The following ZSCAN4 variants were observed in gnomAD, a reference collection of about 807,000 sequenced individuals.
The protein encoded by ZSCAN4 is zinc finger and SCAN domain-containing protein 4.
Under a neutral mutation model 18.3 loss-of-function variants are expected in ZSCAN4, and 18 were observed. The observed-to-expected ratio is 0.98, with a 90% CI of 0.68 to 1.46. ZSCAN4 has a LOEUF of 1.46. ZSCAN4 is among the 40% of genes most tolerant of loss of function. The probability of loss-of-function intolerance (pLI) is 0.00; values close to 1 mark genes in which losing one functional copy is unlikely to be tolerated. For synonymous variants in ZSCAN4, 193 were observed against 180.3 expected (o/e 1.07, Z -0.57); for missense variants, 498 against 511.4 (o/e 0.97, Z 0.25).
the ZSCAN4 span, among the ~76,000 whole-genome samples, chr19:57,652,638 C>G: frequency 6.6e-6 from 1 of 152,102 alleles, no homozygotes; most frequent in Non-Finnish European, 1.5e-5. Flanking sequence ...CCTCCATTCT[C>G]CCTTCTTTCT....
At chr19:57,678,503 A>C in exon 5 of ZSCAN4, 1 of 1,614,180 alleles carries the variant, frequency 6.2e-7, no homozygotes, top group Non-Finnish European at 8.5e-7. Flanking sequence ...CATGTGAGGT[A>C]CATCAGAAAG....
upstream of ZSCAN4, among the ~76,000 whole-genome samples, chr19:57,668,623 A>T (rs531999532): frequency 6.6e-6 from 1 of 152,234 alleles, no homozygotes; most frequent in East Asian, 1.9e-4. Flanking sequence ...CTCAGCCTGT[A>T]TGAGGGTGGA....
At chr19:57,659,989 C>T in the ZSCAN4 span, among the ~76,000 whole-genome samples, 6 of 152,146 alleles carry the variant, frequency 3.9e-5, no homozygotes, top group African/African-American at 1.2e-4. Flanking sequence ...TACAGATGGT[C>T]GCTGCAATTA....
At chr19:57,676,770 A>T (rs996135355) in intron 3 of ZSCAN4, among the ~76,000 whole-genome samples, 4 of 152,232 alleles carry the variant, frequency 2.6e-5, no homozygotes, top group African/African-American at 9.6e-5. Flanking sequence ...TAGGAGCCAA[A>T]CATATTGATG....
At chr19:57,677,814 C>A in intron 3 of ZSCAN4, 100 bp from the exon 4 acceptor site, 1 of 1,133,884 alleles carries the variant, frequency 8.8e-7, no homozygotes. Context: ...ATAGCCAATA[C>A]TTGAGGGAGC....
chr19:57,656,098 A>C, the ZSCAN4 span, among the ~76,000 whole-genome samples: 1 of 152,124 alleles, frequency 6.6e-6, no homozygotes, highest in African/African-American at 2.4e-5. Context: ...CTTAGTACCA[A>C]AGGGACCTGC....
chr19:57,662,710 G>GC, the ZSCAN4 span, among the ~76,000 whole-genome samples: 1 of 151,392 alleles, frequency 6.6e-6, no homozygotes, highest in African/African-American at 2.4e-5. Context: ...ACAGGCTTGA[G>GC]CCACCACGCC....
chr19:57,676,243 T>A (rs1320024976), exon 3 of ZSCAN4: 1 of 1,614,138 alleles, frequency 6.2e-7, no homozygotes, highest in Admixed American at 1.7e-5. Context: ...GGACCTGCTG[T>A]TCAGAGAGAA....
At chr19:57,678,409 T>C (rs751778480) in exon 5 of ZSCAN4, 4 of 1,614,058 alleles carry the variant, frequency 2.5e-6, no homozygotes, top group South Asian at 1.1e-5. Context: ...GTCCCTATGG[T>C]GATGGGAGCA....
intron 2 of ZSCAN4, among the ~76,000 whole-genome samples, chr19:57,674,351 ATC>A (rs1375894123): frequency 6.6e-6 from 1 of 152,156 alleles, no homozygotes; most frequent in Non-Finnish European, 1.5e-5. Context: ...AGTCCCCAGC[ATC>A]TGTTATTTCC....
In ZSCAN4 at chr19:57,670,375, G is replaced by GGGTT. The variant is rs1983982088; in HGVS notation, c.-296_-295insTTGG. ...TAAATCAATCACTGACATGGAGCTG[G>GGGTT]GGCTGGATGAAGATTCCATCAGTAA... On this transcript the variant is annotated 5_prime_UTR_variant, in exon 2 of 5. The change creates a premature stop within an existing upstream ORF in the 5' untranslated region. Transcript: ENST00000318203. 1 of 150,302 alleles carries GGGTT rather than the reference G, an allele frequency of 6.7e-6. No individual in the cohort carries two copies. Among genetic ancestry groups the GGGTT allele is most frequent in the South Asian group, 2.1e-4 (1 of 4,784 alleles). 9.3% of individuals were successfully genotyped at this position (150,302 alleles called of 1,614,324 possible).
Position 57,676,166 on chromosome 19 carries a change from C to G in ZSCAN4, c.21C>G (p.Thr7=), listed in dbSNP as rs761945539. Residue 7 remains threonine, a synonymous_variant, in exon 3 of 5, where the codon ACC becomes ACG. Coordinates refer to ENST00000318203, the Ensembl canonical transcript of ZSCAN4. ...TAAGAATGGCTTTAGATCTAAGAAC[C>G]ATATTTCAGTGTGAACCATCCGAGA... 13 of 1,611,760 alleles carry G rather than the reference C, an allele frequency of 8.1e-6. No homozygotes were observed. In the South Asian group the frequency reaches 1.3e-4, roughly 16 times the overall value.
exon 5 of ZSCAN4, chr19:57,678,719 G>C: frequency 6.2e-7 from 1 of 1,614,172 alleles, no homozygotes; most frequent in Non-Finnish European, 8.5e-7. Context: ...CATGCAGCAT[G>C]TGTAAAAAGT....
chr19:57,657,456 A>G, the ZSCAN4 span, among the ~76,000 whole-genome samples: 2 of 152,236 alleles, frequency 1.3e-5, no homozygotes, highest in African/African-American at 2.4e-5. Flanking sequence ...GATGAGTAAC[A>G]TTAACCGAAT....
chr19:57,672,000 TG>T (rs1465346065), intron 2 of ZSCAN4, among the ~76,000 whole-genome samples: 1 of 152,092 alleles, frequency 6.6e-6, no homozygotes, highest in Non-Finnish European at 1.5e-5. Context: ...TATATAAAAT[TG>T]GAGAAAAAAC....
chr19:57,672,709 T>G (rs945236080), intron 2 of ZSCAN4, among the ~76,000 whole-genome samples: 1 of 151,930 alleles, frequency 6.6e-6, no homozygotes. Flanking sequence ...TTCAAGTGAT[T>G]CTTGTGCCTC....
the ZSCAN4 span, among the ~76,000 whole-genome samples, chr19:57,657,607 C>T: frequency 6.6e-6 from 1 of 152,184 alleles, no homozygotes; most frequent in Non-Finnish European, 1.5e-5. Flanking sequence ...AAATTAATCT[C>T]ATTCCTAAGT....
the ZSCAN4 span, among the ~76,000 whole-genome samples, chr19:57,655,395 A>C: frequency 6.6e-6 from 1 of 152,194 alleles, no homozygotes; most frequent in Admixed American, 6.5e-5. Flanking sequence ...TGTTCATTCT[A>C]ACCAAGGCCT....
At chr19:57,676,442 T>C (rs1276259405) in exon 3 of ZSCAN4, 1 of 1,614,176 alleles carries the variant, frequency 6.2e-7, no homozygotes, top group East Asian at 2.2e-5. Flanking sequence ...GCCACTGCAA[T>C]GACAAAGCCA....
Sources: gnomAD v4.1 joint callset for allele counts (sites outside exome capture counted in the v4.1 genomes callset) on GRCh38, gnomAD v4.1.1 for gene constraint, MANE v1.5 for transcripts, NCBI Gene and HGNC (gene_info 2026-07-23, HGNC 2026-07-21) for gene names.